BRINP1: variants seen among roughly 807,000 people sequenced by gnomAD.
BRINP1 encodes BMP/retinoic acid inducible neural specific 1, also known as BMP/retinoic acid-inducible neural-specific protein 1.
BRINP1 carries 17 observed loss-of-function variants against 72.9 expected under a neutral mutation model. That is an observed-to-expected ratio of 0.23 (90% CI 0.16 to 0.35). The LOEUF (loss-of-function observed/expected upper bound fraction) is 0.35. BRINP1 is among the 10% of genes least tolerant of loss of function. The pLI, the probability that BRINP1 is intolerant of heterozygous loss-of-function variation, is 1.00. For synonymous variants in BRINP1, 418 were observed against 378.5 expected (o/e 1.10, Z -1.21); for missense variants, 850 against 1,001.6 (o/e 0.85, Z 2.04).
chr9:119,173,711 T>A (rs1336172228), intron 7 of BRINP1, among the ~76,000 whole-genome samples: 1 of 143,994 alleles, frequency 6.9e-6, no homozygotes, highest in Non-Finnish European at 1.5e-5. Context: ...AGAACAAAGC[T>A]GGAGGCATCA....
rs564130643 is a variant in BRINP1 at position 119,291,237 on chromosome 9, GTTC to G, written c.218+21898_218+21900del. On this transcript the variant is annotated intron_variant, in intron 2 of 7. Transcript: ENST00000265922. ...CCCATGCCAGGATAGAGCCTCCATTGTTCTTCTCCATCAAGATTCCGTTGTGCA... is the reference window on the plus strand; with the variant it reads ...CCCATGCCAGGATAGAGCCTCCATTGTTCTCCATCAAGATTCCGTTGTGCA... 1.0e-3 allele frequency among the ~76,000 whole-genome samples: 157 copies of G among 152,184 alleles called. 4 individuals carry two copies. In the South Asian group the frequency reaches 0.032, roughly 31 times the overall value.
chr9:119,351,980 T>C (rs1340213530), intron 1 of BRINP1, among the ~76,000 whole-genome samples: 1 of 151,940 alleles, frequency 6.6e-6, no homozygotes, highest in Admixed American at 6.6e-5. Flanking sequence ...TAATTTTTAG[T>C]AGAGGTGGGG....
chr9:119,361,722 G>A (rs1831633229), intron 1 of BRINP1, among the ~76,000 whole-genome samples: 1 of 150,032 alleles, frequency 6.7e-6, no homozygotes, highest in African/African-American at 2.5e-5. Context: ...CCAGGCTCAA[G>A]TGATCCTCCT....
At position 119,167,463 on chromosome 9, in the gene BRINP1, C is replaced by T. The variant is rs981146646; in HGVS notation, c.1907G>A (p.Gly636Asp). Reference sequence around the variant, plus strand: ...GGAGGGATCCGACAGGTCCACGGGGCCCTGGCCAGTCTCATTTCGCAGTAG... The same window carrying T: ...GGAGGGATCCGACAGGTCCACGGGGTCCTGGCCAGTCTCATTTCGCAGTAG... ...PTLLRNETGQ[G>D]PVDLSDPSKR... Residue 636 changes from glycine (G) to aspartate (D), a missense_variant, in exon 8 of 8, where the codon GGC (glycine) becomes GAC (aspartate). Physicochemically the swap from Gly to Asp is moderately conservative, Grantham distance 94 (BLOSUM62 -1). Transcript: ENST00000265922. The surrounding 1 kb of genome is among the most constrained non-coding windows in gnomAD (Gnocchi z 4.3). The T allele has an allele frequency of 6.2e-7, 1 of 1,613,994 alleles. No individual in the cohort carries two copies. The highest frequency in any genetic ancestry group is 1.3e-5 in the African/African-American group (1 of 74,914).
At chr9:119,352,401 CATTTCATGATTCTATG>C in intron 1 of BRINP1, among the ~76,000 whole-genome samples, 1 of 152,268 alleles carries the variant, frequency 6.6e-6, no homozygotes, top group South Asian at 2.1e-4. Context: ...GCTCTCATTT[CATTTCATGATTCTATG>C]ATTTCTAAGA....
intron 7 of BRINP1, among the ~76,000 whole-genome samples, chr9:119,203,775 C>G (rs1829826530): frequency 6.6e-6 from 1 of 152,112 alleles, no homozygotes; most frequent in African/African-American, 2.4e-5. Context: ...ACTGCTATTG[C>G]TTCATTATTG....
At chr9:119,229,697 G>A (rs1005634602) in intron 5 of BRINP1, among the ~76,000 whole-genome samples, 6 of 152,110 alleles carry the variant, frequency 3.9e-5, no homozygotes, top group African/African-American at 1.2e-4. Flanking sequence ...GAAGAATGCT[G>A]TGCATGCAAT....
chr9:119,303,902 CAG>C (rs1830966905), intron 2 of BRINP1, among the ~76,000 whole-genome samples: 2 of 145,698 alleles, frequency 1.4e-5, no homozygotes, highest in South Asian at 4.3e-4. Context: ...AATTTTGAGA[CAG>C]AGTCTCACTC....
In BRINP1 at chr9:119,329,894, T is replaced by C. The variant is rs148806231; in HGVS notation, c.-50-16489A>G. ...GGCAGCAGCAAGATCCAAATCCATG[T>C]AATCTGGTTTCTGAATCCACTAGCC... On this transcript the variant is annotated intron_variant, in intron 1 of 7. Coordinates refer to ENST00000265922, the MANE Select transcript of BRINP1 (RefSeq NM_014618.3). Among the ~76,000 whole-genome samples, 598 of 152,310 alleles carry C rather than the reference T, an allele frequency of 3.9e-3. 6 individuals are homozygous for C. The highest frequency in any genetic ancestry group is 0.014 in the African/African-American group (578 of 41,564).
At chr9:119,268,689 C>T (rs1168464721) in intron 2 of BRINP1, among the ~76,000 whole-genome samples, 3 of 152,200 alleles carry the variant, frequency 2.0e-5, no homozygotes, top group Non-Finnish European at 4.4e-5. Context: ...ATTCTCCAGG[C>T]CTCGGCCCTT....
chr9:119,337,753 C>T (rs910963370), intron 1 of BRINP1, among the ~76,000 whole-genome samples: 2 of 152,246 alleles, frequency 1.3e-5, no homozygotes, highest in African/African-American at 2.4e-5. Context: ...GCCTCTTGGA[C>T]TTAGTTCAAG....
chr9:119,269,755 GATTCATTCATTCATTCAATATTTC>G (rs1830589637), intron 2 of BRINP1, among the ~76,000 whole-genome samples: 1 of 152,022 alleles, frequency 6.6e-6, no homozygotes, highest in African/African-American at 2.4e-5. Context: ...GCTTTCACAT[GATTCATTCATTCATTCAATATTTC>G]ATTCATTCAT....
At chr9:119,274,489 GA>G (rs1179332306) in intron 2 of BRINP1, among the ~76,000 whole-genome samples, 8 of 152,194 alleles carry the variant, frequency 5.3e-5, no homozygotes, top group Non-Finnish European at 1.5e-5. Flanking sequence ...CAATGAATCT[GA>G]ATTCATTTCA....
At chr9:119,300,566 CA>C (rs1288726291) in intron 2 of BRINP1, among the ~76,000 whole-genome samples, 1 of 152,194 alleles carries the variant, frequency 6.6e-6, no homozygotes, top group African/African-American at 2.4e-5. Flanking sequence ...CTGTGTCCCA[CA>C]GTGTCAGTCT....
chr9:119,183,178 T>C (rs1047497150), intron 7 of BRINP1, among the ~76,000 whole-genome samples: 2 of 152,164 alleles, frequency 1.3e-5, no homozygotes, highest in Non-Finnish European at 2.9e-5. Flanking sequence ...GCCTAATATG[T>C]ACACAACCAA....
intron 5 of BRINP1, among the ~76,000 whole-genome samples, chr9:119,236,777 T>C (rs1206150432): frequency 6.6e-6 from 1 of 152,188 alleles, no homozygotes; most frequent in Non-Finnish European, 1.5e-5. Context: ...AGTAAATCTT[T>C]CTGTCTACTC....
intron 2 of BRINP1, among the ~76,000 whole-genome samples, chr9:119,267,622 G>C (rs972685680): frequency 1.4e-5 from 2 of 147,986 alleles, no homozygotes; most frequent in African/African-American, 5.0e-5. Flanking sequence ...GGCAACAAGA[G>C]TGAAACTCCA....
intron 2 of BRINP1, among the ~76,000 whole-genome samples, chr9:119,264,158 C>T (rs1354928329): frequency 6.6e-6 from 1 of 152,212 alleles, no homozygotes; most frequent in African/African-American, 2.4e-5. Context: ...GCAATTAAAT[C>T]CTCAGAAGTG....
At chr9:119,243,692 A>G (rs542275775) in intron 3 of BRINP1, among the ~76,000 whole-genome samples, 3 of 152,308 alleles carry the variant, frequency 2.0e-5, no homozygotes, top group Non-Finnish European at 4.4e-5. Flanking sequence ...CGTTTGTTCA[A>G]TTGATTTGTC....
Sources: gnomAD v4.1 joint callset for allele counts (sites outside exome capture counted in the v4.1 genomes callset) on GRCh38, gnomAD v4.1.1 for gene constraint, Gnocchi (gnomAD v3.1) non-coding constraint, MANE v1.5 for transcripts, NCBI Gene and HGNC (gene_info 2026-07-23, HGNC 2026-07-21) for gene names.